PDK1: variants seen among roughly 807,000 people sequenced by gnomAD.
PDK1 encodes pyruvate dehydrogenase kinase 1.
A neutral mutation model predicts 54.2 loss-of-function variants in PDK1; 39 were observed. That is an observed-to-expected ratio of 0.72 (90% CI 0.56 to 0.94). PDK1 has a LOEUF of 0.94. Among genes scored for constraint, PDK1 ranks in the 40% least tolerant of loss-of-function variants. The pLI is 0.00. For missense variants in PDK1, 552 were observed against 566.0 expected (o/e 0.98, Z 0.25); for synonymous variants, 221 against 207.1 (o/e 1.07, Z -0.58).
chr2:172,688,790 T>C, the PDK1 span, among the ~76,000 whole-genome samples: 1 of 2,896 alleles, frequency 3.5e-4, no homozygotes, highest in African/African-American at 3.8e-4. Flanking sequence ...TTGACCTCAG[T>C]GTGAACACTG....
At chr2:172,589,055 TGGACTAGGC>T (rs1279508551) in intron 9 of PDK1, among the ~76,000 whole-genome samples, 1 of 152,094 alleles carries the variant, frequency 6.6e-6, no homozygotes, top group Non-Finnish European at 1.5e-5. Context: ...GATCCACCAG[TGGACTAGGC>T]CCATGTTGTT....
At chr2:172,574,378 T>G (rs1202439618) in intron 8 of PDK1, among the ~76,000 whole-genome samples, 1 of 152,218 alleles carries the variant, frequency 6.6e-6, no homozygotes, top group African/African-American at 2.4e-5. Context: ...CTACAACTTC[T>G]TTTTCAAGAT....
At chr2:172,677,849 G>A in the PDK1 span, among the ~76,000 whole-genome samples, 1 of 152,190 alleles carries the variant, frequency 6.6e-6, no homozygotes, top group African/African-American at 2.4e-5. Flanking sequence ...ATCCAAAACT[G>A]TATAGCTACA....
At chr2:172,621,643 A>G in the PDK1 span, among the ~76,000 whole-genome samples, 1 of 146,230 alleles carries the variant, frequency 6.8e-6, no homozygotes, top group Non-Finnish European at 1.5e-5. Flanking sequence ...ATGTTTATAT[A>G]TCATATATGT....
chr2:172,573,522 C>T (rs1316792554), intron 8 of PDK1, among the ~76,000 whole-genome samples: 1 of 151,070 alleles, frequency 6.6e-6, no homozygotes, highest in African/African-American at 2.4e-5. Flanking sequence ...TATACACACA[C>T]ATACATATAC....
the PDK1 span, among the ~76,000 whole-genome samples, chr2:172,695,379 CT>C: frequency 3.3e-5 from 5 of 152,242 alleles, no homozygotes; most frequent in African/African-American, 1.2e-4. Context: ...GTGTTCTGCC[CT>C]CTTGTCATGC....
the PDK1 span, among the ~76,000 whole-genome samples, chr2:172,641,001 CT>C: frequency 9.4e-5 from 2 of 21,332 alleles, no homozygotes; most frequent in African/African-American, 1.4e-4. Flanking sequence ...CTTTCTTTTT[CT>C]TTTCTTTCTT....
rs1691311721 is a variant in PDK1, at chr2:172,606,756, CT to C, written c.*10792del. 6.7e-6 allele frequency: 1 copy of C among 148,258 alleles called. No individual in the cohort carries two copies. The highest frequency in any genetic ancestry group is 2.2e-4 in the South Asian group (1 of 4,614). 9.2% of individuals were successfully genotyped at this position (148,258 alleles called of 1,614,324 possible). ...TTTTTTTTTAAAAAAAAAAAAAAAC[CT>C]TTTTCATGTTGAAGTTCACATGACC... On this transcript the variant is annotated 3_prime_UTR_variant, in exon 11 of 11. Coordinates refer to ENST00000282077, the MANE Select transcript of PDK1 (RefSeq NM_002610.5).
chr2:172,708,680 C>T, the PDK1 span, among the ~76,000 whole-genome samples: 4 of 152,114 alleles, frequency 2.6e-5, no homozygotes, highest in East Asian at 1.9e-4. Flanking sequence ...TTTTTGATTT[C>T]GAAGTATTTG....
the PDK1 span, among the ~76,000 whole-genome samples, chr2:172,632,856 T>C: frequency 6.6e-6 from 1 of 151,350 alleles, no homozygotes; most frequent in Non-Finnish European, 1.5e-5. Context: ...GGCGCGCACC[T>C]GTAGTCCCAG....
At chr2:172,653,212 G>C in the PDK1 span, among the ~76,000 whole-genome samples, 15 of 152,192 alleles carry the variant, frequency 9.9e-5, no homozygotes, top group African/African-American at 3.4e-4. Flanking sequence ...CAAAAACAAG[G>C]AATAGGGAAA....
rs570668911 is a variant in PDK1, at chr2:172,589,627, T to TG, written c.1056+3240dup. 1.1e-4 allele frequency among the ~76,000 whole-genome samples: 16 copies of TG among 152,244 alleles called. No individual in the cohort carries two copies. The East Asian group carries it at 2.9e-3, about 28-fold the overall frequency. ...GCAGGGAGGTGTGAAATGGAATAGTTGATTTGTACGGGCAAACAGAGACTC... is the reference window on the plus strand; with the variant it reads ...GCAGGGAGGTGTGAAATGGAATAGTTGGATTTGTACGGGCAAACAGAGACTC... On this transcript the variant is annotated intron_variant, in intron 9 of 10. Transcript: ENST00000282077.
chr2:172,560,897 TG>T (rs1346023943), intron 2 of PDK1, among the ~76,000 whole-genome samples: 1 of 152,216 alleles, frequency 6.6e-6, no homozygotes, highest in Non-Finnish European at 1.5e-5. Context: ...AAGTCTTAAA[TG>T]GAAAAGGTTT....
rs1310067103 is a variant in PDK1, at chr2:172,608,581, C to T, written c.*12612C>T. The stretch of plus-strand genomic sequence containing the variant: ...GATTTACCAATGGCCATTTTATCAC[C>T]TCCAAACTATCTTTTATTTTTTTGA... On this transcript the variant is annotated 3_prime_UTR_variant, in exon 11 of 11. Coordinates refer to ENST00000282077, the MANE Select transcript of PDK1 (RefSeq NM_002610.5). 6.6e-6 allele frequency: 1 copy of T among 152,106 alleles called. No homozygotes were observed. Among genetic ancestry groups the T allele is most frequent in the Non-Finnish European group, 1.5e-5 (1 of 68,012 alleles). The allele number at this position is 152,106 out of a possible 1,614,324, so 9.4% of individuals were successfully genotyped here.
intron 8 of PDK1, among the ~76,000 whole-genome samples, chr2:172,585,316 ATT>A (rs538241255): frequency 0.015 from 1,529 of 103,036 alleles, 4 homozygotes; most frequent in South Asian, 0.027. Flanking sequence ...TGCATTTTTA[ATT>A]TTTTTTTTTT....
the PDK1 span, among the ~76,000 whole-genome samples, chr2:172,683,341 C>T: frequency 8.8e-5 from 4 of 45,364 alleles, no homozygotes; most frequent in South Asian, 7.9e-4. Context: ...AGCGAAACTC[C>T]GTCAAAAAAA....
At chr2:172,713,794 A>T in the PDK1 span, among the ~76,000 whole-genome samples, 1 of 152,168 alleles carries the variant, frequency 6.6e-6, no homozygotes. Context: ...CCGCCCCTTC[A>T]ACTGGGAAGG....
the PDK1 span, chr2:172,674,206 C>T: frequency 6.6e-6 from 1 of 152,542 alleles, no homozygotes; most frequent in South Asian, 2.1e-4. Context: ...GCAGGTGGCG[C>T]AGTTAGCTCA....
At chr2:172,679,379 T>G in the PDK1 span, among the ~76,000 whole-genome samples, 43 of 152,138 alleles carry the variant, frequency 2.8e-4, 1 homozygote, top group African/African-American at 9.2e-4. Context: ...CCCAGGAGTT[T>G]GAGGCTGCAG....
Sources: gnomAD v4.1 joint callset for allele counts (sites outside exome capture counted in the v4.1 genomes callset) on GRCh38, gnomAD v4.1.1 for gene constraint, MANE v1.5 for transcripts, NCBI Gene and HGNC (gene_info 2026-07-23, HGNC 2026-07-21) for gene names.